CDKAL1: variants seen among roughly 807,000 people sequenced by gnomAD.
The protein encoded by CDKAL1 is CDKAL1 threonylcarbamoyladenosine tRNA methylthiotransferase.
A neutral mutation model predicts 68.2 loss-of-function variants in CDKAL1; 32 were observed. The ratio of observed to expected loss-of-function variants is 0.47; its 90% CI spans 0.35 to 0.63. The LOEUF is 0.63. Among genes scored for constraint, CDKAL1 ranks in the 30% least tolerant of loss-of-function variants. The pLI is 0.00. For synonymous variants in CDKAL1, 234 were observed against 244.3 expected, an observed-to-expected ratio of 0.96 and a Z score of 0.39; for missense variants, 606 against 696.7, an observed-to-expected ratio of 0.87 and a Z score of 1.47.
intron 9 of CDKAL1, among the ~76,000 whole-genome samples, chr6:20,923,831 G>A (rs537576108): frequency 1.3e-3 from 198 of 152,262 alleles, no homozygotes; most frequent in Non-Finnish European, 2.2e-3. Flanking sequence ...GGGCAACATG[G>A]TGAAACCCTG....
intron 11 of CDKAL1, among the ~76,000 whole-genome samples, chr6:21,063,704 A>T (rs939745693): frequency 6.6e-6 from 1 of 152,204 alleles, no homozygotes; most frequent in African/African-American, 2.4e-5. Flanking sequence ...AGAAATGTAA[A>T]TAGTAATATT....
chr6:20,555,070 A>G (rs1028233637), intron 4 of CDKAL1, among the ~76,000 whole-genome samples: 3 of 152,160 alleles, frequency 2.0e-5, no homozygotes, highest in African/African-American at 7.2e-5. Flanking sequence ...TTTATAGTTT[A>G]TTCATTTGGC....
At chr6:20,602,627 A>AACAG (rs1474425415) in intron 4 of CDKAL1, among the ~76,000 whole-genome samples, 13 of 152,240 alleles carry the variant, frequency 8.5e-5, no homozygotes, top group Admixed American at 2.0e-4. Flanking sequence ...AGGTTACCTG[A>AACAG]TTTACCTTTC....
At chr6:21,034,627 C>T (rs1236675372) in intron 11 of CDKAL1, among the ~76,000 whole-genome samples, 1 of 152,070 alleles carries the variant, frequency 6.6e-6, no homozygotes, top group Non-Finnish European at 1.5e-5. Context: ...CTAGCCAAAG[C>T]ACTAAGGAAA....
At chr6:21,019,594 T>A (rs920614200) in intron 11 of CDKAL1, among the ~76,000 whole-genome samples, 2 of 152,316 alleles carry the variant, frequency 1.3e-5, no homozygotes, top group East Asian at 1.9e-4. Context: ...CATAATACCT[T>A]TGTCAGAAGC....
At chr6:20,567,825 T>A (rs1764520873) in intron 4 of CDKAL1, among the ~76,000 whole-genome samples, 1 of 151,852 alleles carries the variant, frequency 6.6e-6, no homozygotes, top group South Asian at 2.1e-4. Context: ...GAGATCCTCC[T>A]GCCTCAGCCT....
chr6:20,627,192 T>G (rs1259993986), intron 4 of CDKAL1, among the ~76,000 whole-genome samples: 5 of 152,190 alleles, frequency 3.3e-5, no homozygotes, highest in African/African-American at 9.6e-5. Flanking sequence ...CCATCAGGTC[T>G]AGTTGTAGCT....
At chr6:21,011,802 C>T (rs952536005) in intron 11 of CDKAL1, among the ~76,000 whole-genome samples, 6 of 152,010 alleles carry the variant, frequency 3.9e-5, no homozygotes, top group African/African-American at 1.2e-4. Flanking sequence ...TCATTTTATC[C>T]GTGATATCAT....
intron 9 of CDKAL1, among the ~76,000 whole-genome samples, chr6:20,866,804 A>G (rs2150533078): frequency 6.6e-6 from 1 of 152,354 alleles, no homozygotes; most frequent in East Asian, 1.9e-4. Flanking sequence ...AATGCTACAT[A>G]AAAATGGAAA....
At chr6:20,840,404 T>C (rs761825788) in intron 8 of CDKAL1, among the ~76,000 whole-genome samples, 6 of 152,216 alleles carry the variant, frequency 3.9e-5, no homozygotes, top group Non-Finnish European at 7.3e-5. Context: ...TGGAACAACA[T>C]TTTGGAGCAA....
chr6:20,991,899 C>T (rs1000577237), intron 10 of CDKAL1, among the ~76,000 whole-genome samples: 2 of 150,092 alleles, frequency 1.3e-5, no homozygotes, highest in African/African-American at 4.9e-5. Flanking sequence ...TCTGTTTTAC[C>T]ACAATAAAAC....
chr6:20,696,159 T>C (rs1263973096), intron 5 of CDKAL1, among the ~76,000 whole-genome samples: 1 of 152,266 alleles, frequency 6.6e-6, no homozygotes. Context: ...CACATTGGCC[T>C]GCTAGGCATA....
chr6:20,618,258 G>A (rs889151240), intron 4 of CDKAL1, among the ~76,000 whole-genome samples: 10 of 152,026 alleles, frequency 6.6e-5, no homozygotes, highest in Admixed American at 6.6e-4. Flanking sequence ...ACCTTTTGAT[G>A]GGGTTGTTTT....
intron 7 of CDKAL1, among the ~76,000 whole-genome samples, chr6:20,777,187 G>T (rs903227364): frequency 2.6e-5 from 4 of 152,200 alleles, no homozygotes; most frequent in South Asian, 2.1e-4. Flanking sequence ...AATGGGCTTT[G>T]TAAGAAATAC....
At chr6:20,598,587 A>G (rs1765942943) in intron 4 of CDKAL1, among the ~76,000 whole-genome samples, 1 of 152,228 alleles carries the variant, frequency 6.6e-6, no homozygotes, top group African/African-American at 2.4e-5. Context: ...ATGATGGCCT[A>G]TTGAGAGATA....
At chr6:21,078,762 C>CCT (rs1582153739) in intron 12 of CDKAL1, among the ~76,000 whole-genome samples, 1 of 152,300 alleles carries the variant, frequency 6.6e-6, no homozygotes, top group East Asian at 1.9e-4. Flanking sequence ...AGCATTTAAG[C>CCT]CTCTCTTCAG....
chr6:20,821,848 C>T (rs930238240), intron 8 of CDKAL1, among the ~76,000 whole-genome samples: 1 of 152,124 alleles, frequency 6.6e-6, no homozygotes, highest in Non-Finnish European at 1.5e-5. Flanking sequence ...CCTCAATAAA[C>T]CATTAATATA....
At position 20,613,011 on chromosome 6, in the gene CDKAL1, AC is replaced by A. The variant is rs1447246658; in HGVS notation, c.287-36281del. ...TTTCTACACACACACACACACACAC[AC>A]ACACACACACACACACACACACACA... On this transcript the variant is annotated intron_variant, in intron 4 of 15. Transcript: ENST00000274695. Among the ~76,000 whole-genome samples, 3 of 146,286 alleles carry A rather than the reference AC, an allele frequency of 2.1e-5. No homozygotes were observed. In the East Asian group the frequency reaches 6.0e-4, roughly 29 times the overall value.
chr6:20,974,674 G>A (rs1220884373), intron 10 of CDKAL1, among the ~76,000 whole-genome samples: 2 of 151,918 alleles, frequency 1.3e-5, no homozygotes, highest in Non-Finnish European at 2.9e-5. Context: ...ACCATCAGTT[G>A]CATCTTAGAA....
Sources: allele counts gnomAD v4.1 joint callset (sites outside exome capture counted in the v4.1 genomes callset), GRCh38; gene constraint gnomAD v4.1.1; transcripts MANE v1.5; gene names NCBI Gene and HGNC (gene_info 2026-07-23, HGNC 2026-07-21).